The following MCTP1 variants were observed in gnomAD, a reference collection of about 807,000 sequenced individuals.
The protein encoded by MCTP1 is multiple C2 and transmembrane domain-containing protein 1.
Under a neutral mutation model 120.6 loss-of-function variants are expected in MCTP1, and 69 were observed. That is an observed-to-expected ratio of 0.57 (90% confidence interval 0.47 to 0.70). The LOEUF (loss-of-function observed/expected upper bound fraction) is 0.70. Among genes scored for constraint, MCTP1 ranks in the 30% least tolerant of loss-of-function variants. The pLI is 0.00. For synonymous variants in MCTP1, 529 were observed against 493.1 expected (o/e 1.07, Z -0.96); for missense variants, 1,203 against 1,248.8 (o/e 0.96, Z 0.55).
chr5:94,757,677 T>A (rs928576983), intron 19 of MCTP1, among the ~76,000 whole-genome samples: 1 of 152,218 alleles, frequency 6.6e-6, no homozygotes, highest in East Asian at 1.9e-4. Context: ...CATTTCTCTT[T>A]AAATCCCTCA....
In MCTP1 at chr5:95,274,972, C is replaced by A. The variant is rs551899570; in HGVS notation, c.720+8884G>T. ...CACCTCCACAATTTCCACATACCCC[C>A]GCAACCACTGCAGCCTCACCTTCAT... is the stretch of plus-strand genomic sequence containing the variant. On this transcript the variant is annotated intron_variant, in intron 1 of 22. Coordinates refer to ENST00000515393, the MANE Select transcript of MCTP1 (RefSeq NM_024717.7). Among the ~76,000 whole-genome samples, 12 of 152,270 alleles carry A rather than the reference C, an allele frequency of 7.9e-5. No homozygotes were observed. In the East Asian group the frequency reaches 2.3e-3, roughly 29 times the overall value.
intron 1 of MCTP1, among the ~76,000 whole-genome samples, chr5:95,213,008 G>A (rs1474451523): frequency 6.6e-6 from 1 of 152,112 alleles, no homozygotes; most frequent in African/African-American, 2.4e-5. Flanking sequence ...TGGAAATTCT[G>A]GTCAGGTCAA....
intron 20 of MCTP1, among the ~76,000 whole-genome samples, chr5:94,714,423 C>G (rs1270855023): frequency 6.6e-6 from 1 of 151,878 alleles, no homozygotes; most frequent in African/African-American, 2.4e-5. Context: ...TCTTAATTAC[C>G]TGAAGTCCTC....
At chr5:94,728,424 C>T (rs1036986795) in intron 19 of MCTP1, among the ~76,000 whole-genome samples, 4 of 152,118 alleles carry the variant, frequency 2.6e-5, no homozygotes, top group East Asian at 1.9e-4. Context: ...TATGTATCTG[C>T]GTCTTAAAAT....
intron 1 of MCTP1, among the ~76,000 whole-genome samples, chr5:95,044,462 GC>G (rs1842839820): frequency 6.6e-6 from 1 of 152,210 alleles, no homozygotes; most frequent in Admixed American, 6.5e-5. Flanking sequence ...TTCACACTTA[GC>G]CCCTGTAGAT....
intron 17 of MCTP1, among the ~76,000 whole-genome samples, chr5:94,813,279 A>G (rs1237712389): frequency 3.9e-5 from 6 of 152,206 alleles, no homozygotes; most frequent in Non-Finnish European, 8.8e-5. Flanking sequence ...ACCACTTCAC[A>G]CCCACTAGAG....
At position 94,870,431 on chromosome 5, in the gene MCTP1, T is replaced by C; in HGVS notation, c.2302A>G (p.Arg768Gly). The change falls in exon 16 of 23, where the codon AGA becomes GGA. Residue 768 changes from arginine to glycine, a missense_variant. Coordinates refer to ENST00000515393, the MANE Select transcript of MCTP1 (RefSeq NM_024717.7). ...KEQKYIEEEN[R>G]LSKQLLLRNF... ...TTGCTTTTTACCTGTTTAGAGAGTC[T>C]GTTTTCCTCTTCAATGTACTTCTGT... 2.5e-6 allele frequency: 4 copies of C among 1,611,124 alleles called. No individual in the cohort carries two copies. Among genetic ancestry groups the C allele is most frequent in the Non-Finnish European group, 3.4e-6 (4 of 1,177,580 alleles).
At chr5:94,962,134 A>T (rs77676619) in intron 2 of MCTP1, among the ~76,000 whole-genome samples, 100 of 93,588 alleles carry the variant, frequency 1.1e-3, no homozygotes, top group Middle Eastern at 6.0e-3. Context: ...ATAATAATAA[A>T]AAAAAAGAAA....
At chr5:94,789,891 A>C (rs144928929) in intron 18 of MCTP1, among the ~76,000 whole-genome samples, 85 of 152,292 alleles carry the variant, frequency 5.6e-4, no homozygotes, top group African/African-American at 2.0e-3. Flanking sequence ...AAATTAGATA[A>C]TTTTTATTTG....
intron 2 of MCTP1, among the ~76,000 whole-genome samples, chr5:94,996,865 G>T (rs570290472): frequency 2.0e-5 from 3 of 152,162 alleles, no homozygotes; most frequent in Non-Finnish European, 2.9e-5. Context: ...TATGACCATG[G>T]TCAATTATTT....
intron 10 of MCTP1, among the ~76,000 whole-genome samples, chr5:94,896,292 G>A (rs1803960458): frequency 6.6e-6 from 1 of 152,136 alleles, no homozygotes; most frequent in Non-Finnish European, 1.5e-5. Context: ...ATAGTTTGTT[G>A]AATGCAAATA....
At chr5:95,238,533 C>G (rs1755807971) in intron 1 of MCTP1, among the ~76,000 whole-genome samples, 1 of 152,108 alleles carries the variant, frequency 6.6e-6, no homozygotes, top group Admixed American at 6.6e-5. Flanking sequence ...CAATGTGTCA[C>G]TCATATCAGA....
chr5:94,933,888 T>C (rs1815445193), intron 5 of MCTP1, among the ~76,000 whole-genome samples: 2 of 151,878 alleles, frequency 1.3e-5, no homozygotes, highest in Admixed American at 1.3e-4. Context: ...ATAAGCAGGC[T>C]GCATGGTTTT....
intron 16 of MCTP1, among the ~76,000 whole-genome samples, chr5:94,869,011 A>AT (rs1797351301): frequency 6.6e-6 from 1 of 151,908 alleles, no homozygotes; most frequent in South Asian, 2.1e-4. Context: ...CTCACAATAA[A>AT]TTTAACCTAT....
At chr5:95,156,150 G>C (rs1234466863) in intron 1 of MCTP1, among the ~76,000 whole-genome samples, 1 of 152,160 alleles carries the variant, frequency 6.6e-6, no homozygotes, top group Non-Finnish European at 1.5e-5. Flanking sequence ...ACTACAGTGT[G>C]GTGGACACTT....
chr5:95,030,694 C>T (rs78962859), intron 1 of MCTP1, among the ~76,000 whole-genome samples: 7,845 of 151,954 alleles, frequency 0.052, 300 homozygotes, highest in Non-Finnish European at 0.075. Flanking sequence ...GAAATGATGG[C>T]GAATTCAAAA....
At chr5:94,958,208 C>A (rs922387575) in intron 2 of MCTP1, among the ~76,000 whole-genome samples, 2 of 152,160 alleles carry the variant, frequency 1.3e-5, no homozygotes, top group African/African-American at 4.8e-5. Flanking sequence ...TAAATAAGTT[C>A]TTTGAAACCA....
At chr5:95,270,874 G>C (rs1759326516) in intron 1 of MCTP1, among the ~76,000 whole-genome samples, 1 of 151,502 alleles carries the variant, frequency 6.6e-6, no homozygotes, top group Non-Finnish European at 1.5e-5. Flanking sequence ...AGGTTGCAGT[G>C]AGCCGAGATT....
chr5:95,110,429 T>C (rs2152387159), intron 1 of MCTP1, among the ~76,000 whole-genome samples: 1 of 152,172 alleles, frequency 6.6e-6, no homozygotes, highest in South Asian at 2.1e-4. Context: ...GCCTGAACAC[T>C]GAAGACTCCA....
Sources: gnomAD v4.1 joint callset for allele counts (sites outside exome capture counted in the v4.1 genomes callset) on GRCh38, gnomAD v4.1.1 for gene constraint, MANE v1.5 for transcripts, NCBI Gene and HGNC (gene_info 2026-07-23, HGNC 2026-07-21) for gene names.